Variants in ATRN observed in about 807,000 individuals in gnomAD.
The protein encoded by ATRN is attractin, also known as attractin-2.
A neutral mutation model predicts 178.7 loss-of-function variants in ATRN; 54 were observed. The ratio of observed to expected loss-of-function variants is 0.30; its 90% CI spans 0.24 to 0.38. The LOEUF is 0.38. ATRN is among the 10% of genes least tolerant of loss of function. ATRN has a pLI of 1.00. For missense variants in ATRN, 1,443 were observed against 1,815.1 expected (o/e 0.79, Z 3.73); for synonymous variants, 636 against 663.0 (o/e 0.96, Z 0.63).
intron 25 of ATRN, among the ~76,000 whole-genome samples, chr20:3,628,685 T>C (rs781766658): frequency 5.9e-5 from 9 of 152,014 alleles, no homozygotes; most frequent in Non-Finnish European, 1.0e-4. Flanking sequence ...GCTGGGAATG[T>C]AACCCCACAG....
intron 1 of ATRN, among the ~76,000 whole-genome samples, chr20:3,521,356 A>G (rs1047883646): frequency 2.0e-5 from 3 of 152,188 alleles, no homozygotes; most frequent in Non-Finnish European, 4.4e-5. Context: ...AAAAAACCCA[A>G]AAACAAAGTA....
At chr20:3,560,023 A>T (rs914932058) in intron 7 of ATRN, among the ~76,000 whole-genome samples, 14 of 151,942 alleles carry the variant, frequency 9.2e-5, no homozygotes, top group Admixed American at 1.3e-4. Context: ...AACCCTTAAA[A>T]TTTTTTTTAA....
intron 22 of ATRN, among the ~76,000 whole-genome samples, chr20:3,599,724 C>T (rs980642308): frequency 2.0e-5 from 3 of 152,152 alleles, no homozygotes; most frequent in African/African-American, 7.2e-5. Flanking sequence ...TTTGGGCATG[C>T]TCAGGGGGTC....
chr20:3,632,821 A>C lies in ATRN; in HGVS notation c.3864-1490A>C, dbSNP rs2086998550. Among the ~76,000 whole-genome samples, 1 of 152,242 alleles carries C rather than the reference A, an allele frequency of 6.6e-6. No individual in the cohort carries two copies. The highest frequency in any genetic ancestry group is 1.5e-5 in the Non-Finnish European group (1 of 68,050). Reference sequence around the variant, plus strand: ...TATCAGTGTTTTCCATGAGCCTAGAACAGGACCTGACCCAATTAAAGTATT... The same window carrying C: ...TATCAGTGTTTTCCATGAGCCTAGACCAGGACCTGACCCAATTAAAGTATT... On this transcript the variant is annotated intron_variant, in intron 25 of 28. Transcript: ENST00000262919. The surrounding 1 kb of genome is among the most constrained non-coding windows in gnomAD (Gnocchi z 4.2).
chr20:3,495,529 T>A (rs1197430348), intron 1 of ATRN, among the ~76,000 whole-genome samples: 1 of 152,206 alleles, frequency 6.6e-6, no homozygotes, highest in African/African-American at 2.4e-5. Context: ...TTAAAGCTGT[T>A]AAAGCAAAGG....
At chr20:3,476,399 A>G (rs949731734) in intron 1 of ATRN, among the ~76,000 whole-genome samples, 1 of 152,212 alleles carries the variant, frequency 6.6e-6, no homozygotes, top group Non-Finnish European at 1.5e-5. Flanking sequence ...GTCACTCTTT[A>G]TGGACGTTCT....
At chr20:3,571,708 C>T (rs1314063411) in intron 11 of ATRN, among the ~76,000 whole-genome samples, 12 of 152,072 alleles carry the variant, frequency 7.9e-5, no homozygotes, top group Admixed American at 4.6e-4. Flanking sequence ...GCTGAAGCCC[C>T]GCTCTATGTT....
chr20:3,565,062 C>G (rs1311881129), intron 10 of ATRN, among the ~76,000 whole-genome samples: 1 of 152,120 alleles, frequency 6.6e-6, no homozygotes, highest in Non-Finnish European at 1.5e-5. Context: ...GAGACTCTGT[C>G]TCAATTCTAG....
At chr20:3,500,441 G>A (rs941122264) in intron 1 of ATRN, among the ~76,000 whole-genome samples, 2 of 151,836 alleles carry the variant, frequency 1.3e-5, no homozygotes, top group African/African-American at 4.8e-5. Flanking sequence ...CAACCCAAAT[G>A]TCCAACAATG....
chr20:3,558,165 A>G (rs945990381), intron 6 of ATRN, among the ~76,000 whole-genome samples: 1 of 152,186 alleles, frequency 6.6e-6, no homozygotes, highest in African/African-American at 2.4e-5. Flanking sequence ...TATGTTATAC[A>G]TTACAGATAT....
rs912842800 is a variant in ATRN, at chr20:3,650,679, A to G, written c.*3832A>G. 1.3e-5 allele frequency: 2 copies of G among 152,596 alleles called. No individual in the cohort carries two copies. The highest frequency in any genetic ancestry group is 6.5e-5 in the Admixed American group (1 of 15,288). 9.5% of individuals were successfully genotyped at this position (152,596 alleles called of 1,614,324 possible). A position where few individuals can be genotyped will look rare whatever the true frequency, so the allele number is the denominator to read the frequency against. On this transcript the variant is annotated 3_prime_UTR_variant, in exon 29 of 29. Coordinates refer to ENST00000262919, the MANE Select transcript of ATRN (RefSeq NM_139321.3). ...AAATGGAGAGGAAAATTGGCACCTCATCTTTTAAAGGCAGTAATGGAATTG... is the reference window on the plus strand; with the variant it reads ...AAATGGAGAGGAAAATTGGCACCTCGTCTTTTAAAGGCAGTAATGGAATTG...
At chr20:3,577,702 T>G (rs1472175167) in intron 14 of ATRN, among the ~76,000 whole-genome samples, 6 of 152,158 alleles carry the variant, frequency 3.9e-5, no homozygotes, top group Non-Finnish European at 7.4e-5. Flanking sequence ...TCAGTGTGTC[T>G]CAAATTTTAA....
intron 25 of ATRN, among the ~76,000 whole-genome samples, chr20:3,630,025 C>G (rs1046657155): frequency 6.6e-6 from 1 of 152,196 alleles, no homozygotes; most frequent in Non-Finnish European, 1.5e-5. Flanking sequence ...CAGCCCCTTT[C>G]CCCTTCTTGG....
At chr20:3,625,627 A>G (rs910760550) in intron 25 of ATRN, among the ~76,000 whole-genome samples, 5 of 152,154 alleles carry the variant, frequency 3.3e-5, no homozygotes, top group African/African-American at 1.2e-4. Flanking sequence ...AAATCTCACA[A>G]TGGTCACACA....
intron 26 of ATRN, 75 bp downstream of exon 26, chr20:3,634,464 G>A (rs1173478122): frequency 1.4e-5 from 19 of 1,383,770 alleles, no homozygotes; most frequent in Non-Finnish European, 1.9e-5. Flanking sequence ...AAGCAAGTGG[G>A]TTTTAGCTAT....
At chr20:3,563,800 A>G (rs868005806) in intron 10 of ATRN, among the ~76,000 whole-genome samples, 10 of 152,248 alleles carry the variant, frequency 6.6e-5, no homozygotes, top group African/African-American at 2.2e-4. Flanking sequence ...AAGCAAATGC[A>G]TACCGGATGA....
chr20:3,549,457 ATATTTTGG>A, intron 6 of ATRN, 119 bp downstream of exon 6: 1 of 893,910 alleles, frequency 1.1e-6, no homozygotes, highest in South Asian at 2.4e-5. Flanking sequence ...ATCCCTGTTA[ATATTTTGG>A]TAGTAGTCTT....
intron 24 of ATRN, among the ~76,000 whole-genome samples, chr20:3,612,127 A>G (rs918845994): frequency 2.0e-5 from 3 of 152,196 alleles, no homozygotes; most frequent in African/African-American, 7.2e-5. Context: ...TCCTCAACAA[A>G]TGAATGCTTA....
Position 3,650,671 on chromosome 20 carries a change from G to C in ATRN, c.*3824G>C, listed in dbSNP as rs372313461. ...ATGTTTTGAAATGGAGAGGAAAATTGGCACCTCATCTTTTAAAGGCAGTAA... is the reference window on the plus strand; with the variant it reads ...ATGTTTTGAAATGGAGAGGAAAATTCGCACCTCATCTTTTAAAGGCAGTAA... On this transcript the variant is annotated 3_prime_UTR_variant, in exon 29 of 29. Coordinates refer to ENST00000262919, the MANE Select transcript of ATRN (RefSeq NM_139321.3). 5.9e-5 allele frequency: 9 copies of C among 152,540 alleles called. No individual in the cohort carries two copies. Among genetic ancestry groups the C allele is most frequent in the Admixed American group, 1.3e-4 (2 of 15,294 alleles). The allele number at this position is 152,540 out of a possible 1,614,324, so 9.4% of individuals were successfully genotyped here.
Sources: gnomAD v4.1 joint callset for allele counts (sites outside exome capture counted in the v4.1 genomes callset) on GRCh38, gnomAD v4.1.1 for gene constraint, Gnocchi (gnomAD v3.1) non-coding constraint, MANE v1.5 for transcripts, NCBI Gene and HGNC (gene_info 2026-07-23, HGNC 2026-07-21) for gene names.